DLG1: variants seen among roughly 807,000 people sequenced by gnomAD.
DLG1 encodes discs large MAGUK scaffold protein 1, also known as disks large homolog 1.
Under a neutral mutation model 123.4 loss-of-function variants are expected in DLG1, and 42 were observed. The observed-to-expected ratio is 0.34, with a 90% CI of 0.27 to 0.44. The LOEUF (loss-of-function observed/expected upper bound fraction) is 0.44, where lower values mean the gene tolerates loss of function less well. Among genes scored for constraint, DLG1 ranks in the 20% least tolerant of loss-of-function variants. DLG1 has a pLI of 1.00. For missense variants in DLG1, 942 were observed against 1,082.6 expected (o/e 0.87, Z 1.82); for synonymous variants, 317 against 356.2 (o/e 0.89, Z 1.24).
chr3:197,065,651 C>T lies in DLG1; in HGVS notation c.2200+57G>A. 4 of 1,296,448 alleles carry T rather than the reference C, an allele frequency of 3.1e-6. 1 individual carries two copies. Among genetic ancestry groups the T allele is most frequent in the South Asian group, 2.5e-5 (2 of 78,768 alleles). The allele number at this position is 1,296,448 out of a possible 1,614,324, so 80.3% of individuals were successfully genotyped here. On this transcript the variant is annotated intron_variant, in intron 21 of 24. Coordinates refer to ENST00000667157, the MANE Select transcript of DLG1 (RefSeq NM_001366207.1). ...AATGGTTATATCTATTTTTCCCACA[C>T]ACAGTGACAGGAAATGTTAAGAGTA...
rs199907948 is a variant in DLG1 at position 197,067,551 on chromosome 3, GTTT to G, written c.2048-800_2048-798del. Among the ~76,000 whole-genome samples, 93 of 107,384 alleles carry G rather than the reference GTTT, an allele frequency of 8.7e-4. 1 individual carries two copies. Among genetic ancestry groups the G allele is most frequent in the African/African-American group, 3.2e-3 (82 of 25,262 alleles). The allele number at this position is 107,384 out of a possible 152,430, so 70.4% of individuals were successfully genotyped here. On this transcript the variant is annotated intron_variant, in intron 19 of 24. Coordinates refer to ENST00000667157, the MANE Select transcript of DLG1 (RefSeq NM_001366207.1). Reference sequence around the variant, plus strand: ...AAATAAATAGTTAAAAACTCTGAGAGTTTTTTTTTTTTTTTTTTTTTTTGAGAC... The same window carrying G: ...AAATAAATAGTTAAAAACTCTGAGAGTTTTTTTTTTTTTTTTTTTTGAGAC...
chr3:197,197,455 T>C lies in DLG1; in HGVS notation c.319-2866A>G, dbSNP rs369324022. Among the ~76,000 whole-genome samples, 6 of 152,356 alleles carry C rather than the reference T, an allele frequency of 3.9e-5. No homozygotes were observed. In the East Asian group the frequency reaches 1.2e-3, roughly 29 times the overall value. The stretch of plus-strand genomic sequence containing the variant: ...ATAAAGAGATACTTCACCTACTATT[T>C]GGTTATCTGTTGGTATGGTTCACAC... On this transcript the variant is annotated intron_variant, in intron 4 of 24. Coordinates refer to ENST00000667157, the MANE Select transcript of DLG1 (RefSeq NM_001366207.1).
chr3:197,176,608 G>T (rs957867230), intron 5 of DLG1, among the ~76,000 whole-genome samples: 4 of 152,040 alleles, frequency 2.6e-5, no homozygotes, highest in African/African-American at 7.2e-5. Context: ...TTCATTTAAG[G>T]TTCCTCCATG....
chr3:197,206,704 C>T (rs1306026798), intron 4 of DLG1, among the ~76,000 whole-genome samples: 1 of 151,914 alleles, frequency 6.6e-6, no homozygotes, highest in Non-Finnish European at 1.5e-5. Flanking sequence ...ACTGCTAACA[C>T]TTTTCAGGAG....
chr3:197,092,945 A>G (rs949087014), intron 14 of DLG1, among the ~76,000 whole-genome samples: 3 of 152,210 alleles, frequency 2.0e-5, no homozygotes, highest in East Asian at 1.9e-4. Context: ...AGTAGGTAAA[A>G]TAACTCCACA....
At chr3:197,069,287 AT>A (rs774757963) in intron 18 of DLG1, 27 bp from the exon 19 acceptor site, 5 of 1,540,344 alleles carry the variant, frequency 3.2e-6, no homozygotes, top group East Asian at 2.4e-5. Context: ...ATGAAAAAAA[AT>A]AAAACAGTGT....
chr3:197,112,303 T>C (rs546755073), intron 13 of DLG1, among the ~76,000 whole-genome samples: 6 of 152,322 alleles, frequency 3.9e-5, no homozygotes, highest in Non-Finnish European at 8.8e-5. Flanking sequence ...AATCAAAATA[T>C]AGAACAATTA....
At chr3:197,216,035 G>C (rs926954703) in intron 4 of DLG1, among the ~76,000 whole-genome samples, 2 of 152,206 alleles carry the variant, frequency 1.3e-5, no homozygotes, top group South Asian at 4.1e-4. Flanking sequence ...AGGGTTCACT[G>C]AACCCAATTC....
chr3:197,184,335 A>G (rs1714482594), intron 5 of DLG1, among the ~76,000 whole-genome samples: 2 of 151,826 alleles, frequency 1.3e-5, no homozygotes, highest in South Asian at 4.2e-4. Flanking sequence ...TATGAACTGA[A>G]TTAAAACATA....
At chr3:197,049,925 G>C (rs1726152294) in intron 24 of DLG1, among the ~76,000 whole-genome samples, 1 of 151,874 alleles carries the variant, frequency 6.6e-6, no homozygotes, top group South Asian at 2.1e-4. Flanking sequence ...GCCAGGTGTG[G>C]TGTTGCACGC....
intron 11 of DLG1, among the ~76,000 whole-genome samples, chr3:197,121,201 A>C (rs1579666436): frequency 6.6e-6 from 1 of 152,150 alleles, no homozygotes; most frequent in African/African-American, 2.4e-5. Context: ...CATGTACCAC[A>C]TACTCTCAGA....
intron 6 of DLG1, among the ~76,000 whole-genome samples, chr3:197,146,348 C>A (rs1790751021): frequency 6.6e-6 from 1 of 151,984 alleles, no homozygotes; most frequent in Admixed American, 6.6e-5. Flanking sequence ...CAGACAAAGC[C>A]AAACTAAGCA....
chr3:197,067,399 T>C (rs1364795515), intron 19 of DLG1, among the ~76,000 whole-genome samples: 1 of 152,084 alleles, frequency 6.6e-6, no homozygotes, highest in Non-Finnish European at 1.5e-5. Context: ...ATAAATATAT[T>C]TGCTTTGACC....
rs1319728706 is a variant in DLG1 at position 197,065,321 on chromosome 3, A to G, written c.2328T>C (p.His776=). ...KFIEAGQYNN[H]LYGTSVQSVR... Reference sequence around the variant, plus strand: ...CAGACTGAACACTTGTTCCATATAGATGATTGTTATACTGGCCAGCTTCAA... The same window carrying G: ...CAGACTGAACACTTGTTCCATATAGGTGATTGTTATACTGGCCAGCTTCAA... Residue 776 remains histidine (H), a synonymous_variant, in exon 22 of 25, where the codon CAT becomes CAC. Transcript: ENST00000667157. 1.9e-6 allele frequency: 3 copies of G among 1,612,398 alleles called. No individual in the cohort carries two copies. Among genetic ancestry groups the G allele is most frequent in the Admixed American group, 1.7e-5 (1 of 59,692 alleles).
At chr3:197,281,364 T>C (rs796470339) in intron 4 of DLG1, among the ~76,000 whole-genome samples, 33 of 152,284 alleles carry the variant, frequency 2.2e-4, no homozygotes, top group African/African-American at 7.9e-4. Flanking sequence ...ATAAGGGCCT[T>C]AATCCCATGA....
At chr3:197,100,685 C>T (rs1417168246) in intron 14 of DLG1, among the ~76,000 whole-genome samples, 1 of 151,934 alleles carries the variant, frequency 6.6e-6, no homozygotes, top group Non-Finnish European at 1.5e-5. Flanking sequence ...GGTATGGAGA[C>T]CCACCCAGAA....
intron 4 of DLG1, among the ~76,000 whole-genome samples, chr3:197,282,050 G>C (rs1220480106): frequency 6.6e-6 from 1 of 152,158 alleles, no homozygotes; most frequent in Non-Finnish European, 1.5e-5. Context: ...AATGACTAAT[G>C]CTTCTTAGGC....
At chr3:197,223,938 C>T (rs1738443470) in intron 4 of DLG1, among the ~76,000 whole-genome samples, 1 of 152,192 alleles carries the variant, frequency 6.6e-6, no homozygotes, top group Non-Finnish European at 1.5e-5. Flanking sequence ...TTCTACACGT[C>T]TCTTGTCAGT....
At chr3:197,095,512 A>G (rs1358733282) in intron 14 of DLG1, among the ~76,000 whole-genome samples, 1 of 152,100 alleles carries the variant, frequency 6.6e-6, no homozygotes, top group South Asian at 2.1e-4. Flanking sequence ...AAGTTCCCAC[A>G]CAATTAGATT....
Sources: allele counts gnomAD v4.1 joint callset (sites outside exome capture counted in the v4.1 genomes callset), GRCh38; gene constraint gnomAD v4.1.1; transcripts MANE v1.5; gene names NCBI Gene and HGNC (gene_info 2026-07-23, HGNC 2026-07-21).